Variants in VWA8 observed in about 807,000 individuals in gnomAD.
The protein encoded by VWA8 is von Willebrand factor A domain-containing protein 8.
Under a neutral mutation model 241.5 loss-of-function variants are expected in VWA8, and 221 were observed. The observed-to-expected ratio is 0.91, with a 90% CI of 0.82 to 1.02. VWA8 has a LOEUF of 1.02. VWA8 is among the 50% of genes least tolerant of loss of function. VWA8 has a pLI of 0.00. For synonymous variants in VWA8, 852 were observed against 827.1 expected (o/e 1.03, Z -0.52); for missense variants, 2,322 against 2,328.7 (o/e 1.00, Z 0.06).
intron 17 of VWA8, among the ~76,000 whole-genome samples, chr13:41,795,004 G>A (rs1869626347): frequency 6.6e-6 from 1 of 152,072 alleles, no homozygotes; most frequent in African/African-American, 2.4e-5. Context: ...TATCATCGGA[G>A]TGAACAGATA....
chr13:41,741,290 C>T (rs375651926), intron 21 of VWA8, among the ~76,000 whole-genome samples: 7 of 152,246 alleles, frequency 4.6e-5, no homozygotes, highest in Admixed American at 6.5e-5. Flanking sequence ...CAATCACATA[C>T]GATGAGGCCA....
At chr13:41,626,367 C>T (rs1174628987) in intron 37 of VWA8, among the ~76,000 whole-genome samples, 1 of 152,102 alleles carries the variant, frequency 6.6e-6, no homozygotes, top group African/African-American at 2.4e-5. Flanking sequence ...AGATTCAATG[C>T]TATTCCTATC....
chr13:41,638,205 G>A (rs549317565), intron 37 of VWA8, among the ~76,000 whole-genome samples: 37 of 152,198 alleles, frequency 2.4e-4, no homozygotes, highest in Admixed American at 1.9e-3. Flanking sequence ...TTATATCTAC[G>A]TAAAGACGGT....
intron 37 of VWA8, among the ~76,000 whole-genome samples, chr13:41,630,785 T>C (rs368804904): frequency 5.9e-5 from 9 of 152,178 alleles, no homozygotes; most frequent in East Asian, 3.9e-4. Flanking sequence ...TATTAACTGA[T>C]GTAGTAGTTG....
intron 1 of VWA8, among the ~76,000 whole-genome samples, chr13:41,959,493 C>CAAAAAAAAAAAAAAAAAAA (rs59960898): frequency 1.3e-5 from 1 of 76,474 alleles, no homozygotes; most frequent in African/African-American, 5.2e-5. Flanking sequence ...TGAGAAAAAG[C>CAAAAAAAAAAAAAAAAAAA]AAAAAAAAAA....
chr13:41,945,598 A>C (rs1189191554), intron 2 of VWA8, among the ~76,000 whole-genome samples: 6 of 152,168 alleles, frequency 3.9e-5, no homozygotes, highest in Non-Finnish European at 8.8e-5. Context: ...ACAAGATCCA[A>C]ATAAAAATTC....
At chr13:41,835,705 T>G (rs1322669223) in intron 12 of VWA8, among the ~76,000 whole-genome samples, 7 of 152,152 alleles carry the variant, frequency 4.6e-5, no homozygotes, top group Non-Finnish European at 8.8e-5. Context: ...AATCAAATAT[T>G]ACATATGCAT....
At position 41,951,669 on chromosome 13, in the gene VWA8, T is replaced by C. The variant is rs115337370; in HGVS notation, c.164-1656A>G. ...CAGAGACACTCCAAAAAAGTAGTCGTGCAAAACTCATCTTTCAGCACTGCC... is the reference window on the plus strand; with the variant it reads ...CAGAGACACTCCAAAAAAGTAGTCGCGCAAAACTCATCTTTCAGCACTGCC... On this transcript the variant is annotated intron_variant, in intron 1 of 44. Transcript: ENST00000379310. 1.7e-3 allele frequency among the ~76,000 whole-genome samples: 259 copies of C among 152,318 alleles called. 3 individuals are homozygous for C. The highest frequency in any genetic ancestry group is 6.1e-3 in the African/African-American group (252 of 41,578).
rs761590462 is a variant in VWA8, at chr13:41,590,783, A to G, written c.4987-18T>C. On this transcript the variant is annotated intron_variant, in intron 40 of 44. Coordinates refer to ENST00000379310, the MANE Select transcript of VWA8 (RefSeq NM_015058.2). ...CCTTTAGCCTACAAAAGACACACAT[A>G]CACACACAAAGCCTTAATTAGTTAT... The G allele has an allele frequency of 4.3e-6, 7 of 1,613,384 alleles. No individual in the cohort carries two copies. Among genetic ancestry groups the G allele is most frequent in the Non-Finnish European group, 5.9e-6 (7 of 1,179,536 alleles).
chr13:41,661,117 G>A (rs2044947339), intron 37 of VWA8, among the ~76,000 whole-genome samples: 1 of 152,110 alleles, frequency 6.6e-6, no homozygotes, highest in African/African-American at 2.4e-5. Flanking sequence ...GCCCACCTCA[G>A]CTTCCCAAAG....
At chr13:41,908,826 A>G (rs1340118206) in intron 3 of VWA8, among the ~76,000 whole-genome samples, 1 of 152,230 alleles carries the variant, frequency 6.6e-6, no homozygotes, top group African/African-American at 2.4e-5. Context: ...AAGGCACACA[A>G]TAAGTTTTTA....
intron 38 of VWA8, 69 bp downstream of exon 38, chr13:41,614,907 G>T: frequency 1.4e-6 from 2 of 1,466,762 alleles, no homozygotes; most frequent in Non-Finnish European, 1.9e-6. Flanking sequence ...TCTCAGGGGC[G>T]ATGTGCTGGC....
chr13:41,690,030 T>C (rs1244543307), intron 33 of VWA8, 136 bp downstream of exon 33: 2 of 601,360 alleles, frequency 3.3e-6, no homozygotes, highest in African/African-American at 3.8e-5. Flanking sequence ...TTACTATTTC[T>C]GGTGTAGTGA....
chr13:41,832,884 CTA>C (rs2138003893), intron 13 of VWA8, among the ~76,000 whole-genome samples: 1 of 151,582 alleles, frequency 6.6e-6, no homozygotes, highest in African/African-American at 2.4e-5. Context: ...CTTTTTTAGT[CTA>C]TATAAAATAT....
At chr13:41,838,812 C>T (rs910274017) in intron 12 of VWA8, among the ~76,000 whole-genome samples, 6 of 152,150 alleles carry the variant, frequency 3.9e-5, no homozygotes, top group African/African-American at 1.4e-4. Context: ...CATGTCCCTG[C>T]AAAGGACATG....
chr13:41,879,980 C>G (rs184299256), intron 9 of VWA8, among the ~76,000 whole-genome samples: 43 of 152,198 alleles, frequency 2.8e-4, no homozygotes, highest in African/African-American at 1.0e-3. Context: ...TTTTGGTGAG[C>G]CAATAAGTCT....
Position 41,960,964 on chromosome 13 carries a change from C to T in VWA8, c.52G>A (p.Ala18Thr). 6.9e-7 allele frequency: 1 copy of T among 1,443,854 alleles called. No individual in the cohort carries two copies. The highest frequency in any genetic ancestry group is 1.4e-5 in the South Asian group (1 of 70,796). 89.4% of individuals were successfully genotyped at this position (1,443,854 alleles called of 1,614,324 possible). The change falls in exon 1 of 45, where the codon GCC (alanine) becomes ACC (threonine). Residue 18 changes from alanine to threonine, a missense_variant. Ala to Thr is a moderately conservative substitution (Grantham distance 58). Coordinates refer to ENST00000379310, the MANE Select transcript of VWA8 (RefSeq NM_015058.2). Reference protein sequence around the residue: ...LGAPGGHGGPASRRMRLLLRQ... With the variant: ...LGAPGGHGGPTSRRMRLLLRQ... ...AGGAGCAGCCGCATGCGCCGCGAGGCCGGGCCGCCGTGGCCTCCGGGTGCC... is the reference window on the plus strand; with the variant it reads ...AGGAGCAGCCGCATGCGCCGCGAGGTCGGGCCGCCGTGGCCTCCGGGTGCC...
chr13:41,802,066 G>A (rs1869984942), intron 17 of VWA8, among the ~76,000 whole-genome samples: 2 of 152,160 alleles, frequency 1.3e-5, no homozygotes, highest in South Asian at 4.1e-4. Context: ...CAAAAACCAG[G>A]TGAGCAATCA....
At chr13:41,795,521 C>T (rs185569089) in intron 17 of VWA8, among the ~76,000 whole-genome samples, 9 of 152,236 alleles carry the variant, frequency 5.9e-5, no homozygotes, top group African/African-American at 2.2e-4. Context: ...GCACTATTCA[C>T]AATAGCAAAG....
Sources: gnomAD v4.1 joint callset for allele counts (sites outside exome capture counted in the v4.1 genomes callset) on GRCh38, gnomAD v4.1.1 for gene constraint, MANE v1.5 for transcripts, NCBI Gene and HGNC (gene_info 2026-07-23, HGNC 2026-07-21) for gene names.